POGLUT1: variants seen among roughly 807,000 people sequenced by gnomAD.
The protein encoded by POGLUT1 is 9630046K23Rik.
A neutral mutation model predicts 61.3 loss-of-function variants in POGLUT1; 32 were observed. That is an observed-to-expected ratio of 0.52 (90% CI 0.39 to 0.70). POGLUT1 has a LOEUF of 0.70. Among genes scored for constraint, POGLUT1 ranks in the 30% least tolerant of loss-of-function variants. The pLI, the probability that POGLUT1 is intolerant of heterozygous loss-of-function variation, is 0.00. For synonymous variants in POGLUT1, 158 were observed against 158.2 expected, an observed-to-expected ratio of 1.00 and a Z score of 0.01; for missense variants, 411 against 469.8, an observed-to-expected ratio of 0.87 and a Z score of 1.16.
chr3:119,476,092 G>C (rs2107707642), intron 3 of POGLUT1, among the ~76,000 whole-genome samples: 1 of 152,032 alleles, frequency 6.6e-6, no homozygotes, highest in Middle Eastern at 3.4e-3. Flanking sequence ...GGATTTTTGA[G>C]GCCACAGTGA....
At chr3:119,488,862 C>T in intron 7 of POGLUT1, 67 bp from the exon 8 acceptor site, 1 of 818,002 alleles carries the variant, frequency 1.2e-6, no homozygotes, top group Admixed American at 1.8e-5. Flanking sequence ...TTTAACAATG[C>T]TTGCTGCACA....
chr3:119,475,999 C>CAA (rs2081533565), intron 3 of POGLUT1, among the ~76,000 whole-genome samples: 1 of 90,056 alleles, frequency 1.1e-5, no homozygotes, highest in Non-Finnish European at 2.1e-5. Context: ...CACACAAACA[C>CAA]ATACAGAGTT....
chr3:119,490,953 G>C (rs1416763999), intron 9 of POGLUT1, among the ~76,000 whole-genome samples: 1 of 151,926 alleles, frequency 6.6e-6, no homozygotes, highest in African/African-American at 2.4e-5. Context: ...GAAACGTTCA[G>C]ACAAAATGAA....
chr3:119,493,146 CA>C lies in POGLUT1; in HGVS notation c.*723del, dbSNP rs369438260. On this transcript the variant is annotated 3_prime_UTR_variant, in exon 11 of 11. Transcript: ENST00000295588. ...CTACTTCTTAATGCCTCTCTAAAGC[CA>C]AAAAAAAAAAAAAAGACAAAGCCTC... 6,902 of 140,350 alleles carry C rather than the reference CA, an allele frequency of 0.049. 204 individuals are homozygous for C. The highest frequency in any genetic ancestry group is 0.069 in the Middle Eastern group (19 of 276). 8.7% of individuals were successfully genotyped at this position (140,350 alleles called of 1,614,324 possible). A position where few individuals can be genotyped will look rare whatever the true frequency, so the allele number is the denominator to read the frequency against.
chr3:119,488,819 A>T, intron 7 of POGLUT1, 110 bp from the exon 8 acceptor site: 1 of 570,700 alleles, frequency 1.8e-6, no homozygotes, highest in Non-Finnish European at 3.3e-6. Flanking sequence ...TATATTGATT[A>T]TGAAGCTTAA....
intron 4 of POGLUT1, chr3:119,479,785 C>G: frequency 1.8e-6 from 1 of 549,092 alleles, no homozygotes; most frequent in Non-Finnish European, 3.1e-6. Context: ...CAGTATATAT[C>G]CTCTAGAAAA....
At chr3:119,477,278 T>C (rs1577079520) in intron 3 of POGLUT1, 35 bp from the exon 4 acceptor site, 1 of 1,611,116 alleles carries the variant, frequency 6.2e-7, no homozygotes. Flanking sequence ...CTGCAGGCAC[T>C]ACTCTGCTGA....
chr3:119,479,617 G>A (rs2081583325), intron 4 of POGLUT1, among the ~76,000 whole-genome samples: 1 of 152,136 alleles, frequency 6.6e-6, no homozygotes. Context: ...CTTAACCATT[G>A]CATGTATTTC....
chr3:119,487,000 G>A, intron 7 of POGLUT1, 68 bp downstream of exon 7: 1 of 1,025,004 alleles, frequency 9.8e-7, no homozygotes, highest in Non-Finnish European at 1.5e-6. Context: ...TTGCCACCTG[G>A]GTAGAATTTG....
At chr3:119,490,801 C>T (rs1343089931) in intron 9 of POGLUT1, 83 bp downstream of exon 9, 72 of 1,206,770 alleles carry the variant, frequency 6.0e-5, no homozygotes, top group Non-Finnish European at 8.1e-5. Flanking sequence ...TAAAACCAGT[C>T]ATGTAAGACA....
intron 7 of POGLUT1, among the ~76,000 whole-genome samples, chr3:119,487,678 T>C (rs190672701): frequency 1.2e-3 from 177 of 152,312 alleles, no homozygotes; most frequent in Non-Finnish European, 2.2e-3. Flanking sequence ...TGTCATAAAA[T>C]ATTATTCTTT....
At position 119,487,066 on chromosome 3, in the gene POGLUT1, C is replaced by T. The variant is rs977954591; in HGVS notation, c.738+134C>T. ...ATGTAAAGAAAGTTCCATGAACCAG[C>T]ATTAGCATATATGTAAATTCTCCTT... is the stretch of plus-strand genomic sequence containing the variant. On this transcript the variant is annotated intron_variant, in intron 7 of 10. Transcript: ENST00000295588. 25 of 674,374 alleles carry T rather than the reference C, an allele frequency of 3.7e-5. 1 individual carries two copies. The Admixed American group carries it at 4.2e-4, about 11-fold the overall frequency. 41.8% of individuals were successfully genotyped at this position (674,374 alleles called of 1,614,324 possible).
chr3:119,469,008 T>C lies in POGLUT1; in HGVS notation c.-14T>C. The C allele has an allele frequency of 6.2e-7, 1 of 1,603,422 alleles. No homozygotes were observed. The highest frequency in any genetic ancestry group is 8.5e-7 in the Non-Finnish European group (1 of 1,175,936). ...CAGCGCCGCAGCGGGGAATCTGCAG[T>C]AGGTCTGCCGGCGATGGAGTGGTGG... On this transcript the variant is annotated 5_prime_UTR_variant, in exon 1 of 11. Coordinates refer to ENST00000295588, the MANE Select transcript of POGLUT1 (RefSeq NM_152305.3).
At chr3:119,476,326 G>A (rs2081537440) in intron 3 of POGLUT1, among the ~76,000 whole-genome samples, 5 of 152,090 alleles carry the variant, frequency 3.3e-5, no homozygotes, top group Admixed American at 3.3e-4. Flanking sequence ...AATCTGATTG[G>A]TAAAATTGGT....
chr3:119,480,250 TAC>T, intron 5 of POGLUT1, 78 bp downstream of exon 5: 1 of 1,236,190 alleles, frequency 8.1e-7, no homozygotes, highest in Non-Finnish European at 1.1e-6. Context: ...ACCAATTATT[TAC>T]TTTTTTTTTT....
intron 1 of POGLUT1, among the ~76,000 whole-genome samples, 185 bp from the exon 2 acceptor site, chr3:119,469,635 G>A (rs2081444787): frequency 1.3e-5 from 2 of 152,222 alleles, no homozygotes; most frequent in South Asian, 4.1e-4. Flanking sequence ...CCGGATAGAG[G>A]AACAGACTTG....
At chr3:119,472,584 C>T (rs2081487862) in intron 3 of POGLUT1, among the ~76,000 whole-genome samples, 1 of 152,084 alleles carries the variant, frequency 6.6e-6, no homozygotes. Flanking sequence ...GCTGTGGTGG[C>T]GCATGCCTGT....
chr3:119,471,279 C>A (rs764612406), intron 2 of POGLUT1, 30 bp from the exon 3 acceptor site: 9 of 1,611,476 alleles, frequency 5.6e-6, no homozygotes, highest in Non-Finnish European at 7.6e-6. Context: ...TCTTGGCCTG[C>A]TTTCCTTGAT....
At chr3:119,469,146 G>T (rs934998213) in intron 1 of POGLUT1, 40 bp downstream of exon 1, 1 of 1,492,430 alleles carries the variant, frequency 6.7e-7, no homozygotes, top group East Asian at 2.4e-5. Flanking sequence ...CTTGGGCTCG[G>T]GGTCTGGCCG....
Sources: allele counts gnomAD v4.1 joint callset (sites outside exome capture counted in the v4.1 genomes callset), GRCh38; gene constraint gnomAD v4.1.1; transcripts MANE v1.5; gene names NCBI Gene and HGNC (gene_info 2026-07-23, HGNC 2026-07-21).